Variants in GSE1 observed in about 807,000 individuals in gnomAD.
GSE1 encodes genetic suppressor element 1.
A neutral mutation model predicts 112.6 loss-of-function variants in GSE1; 32 were observed. That is an observed-to-expected ratio of 0.28 (90% confidence interval 0.21 to 0.38). The LOEUF (loss-of-function observed/expected upper bound fraction) is 0.38. Among genes scored for constraint, GSE1 ranks in the 10% least tolerant of loss-of-function variants. The probability of loss-of-function intolerance (pLI) is 1.00; values close to 1 mark genes in which losing one functional copy is unlikely to be tolerated. For synonymous variants in GSE1, 1,115 were observed against 735.6 expected, an observed-to-expected ratio of 1.52 and a Z score of -8.35; for missense variants, 2,348 against 1,699.2, an observed-to-expected ratio of 1.38 and a Z score of -6.71.
At position 85,322,708 on chromosome 16, in the gene GSE1, C is replaced by T. The variant is rs367691952; in HGVS notation, c.2284-34755C>T. Among the ~76,000 whole-genome samples, 8 of 151,932 alleles carry T rather than the reference C, an allele frequency of 5.3e-5. No individual in the cohort carries two copies. In the East Asian group the frequency reaches 5.8e-4, roughly 11 times the overall value. ...TTGGCTCACTGCCACCTCTACCTCC[C>T]GAGTTCAAGCGATTCTCCTGCGTCA... On this transcript the variant is annotated intron_variant, in intron 1 of 2. Coordinates refer to the GSE1 transcript ENST00000637419.
intron 2 of GSE1, among the ~76,000 whole-genome samples, chr16:85,543,251 C>T (rs2044586498): frequency 6.6e-6 from 1 of 151,952 alleles, no homozygotes; most frequent in African/African-American, 2.4e-5. Context: ...CTTGCTTTTC[C>T]CAAATATATC....
chr16:85,634,518 C>T (rs1208384848), intron 2 of GSE1, among the ~76,000 whole-genome samples: 3 of 152,194 alleles, frequency 2.0e-5, no homozygotes, highest in Non-Finnish European at 2.9e-5. Context: ...TGGCTCCTTG[C>T]CCAGGTTTTG....
At chr16:85,216,565 T>C (rs2075309769) in intron 1 of GSE1, among the ~76,000 whole-genome samples, 2 of 152,260 alleles carry the variant, frequency 1.3e-5, no homozygotes, top group Admixed American at 1.3e-4. Context: ...GAACACAAAC[T>C]GACGCCTATG....
intron 1 of GSE1, among the ~76,000 whole-genome samples, chr16:85,183,126 C>T (rs567026384): frequency 6.6e-6 from 1 of 152,156 alleles, no homozygotes; most frequent in South Asian, 2.1e-4. Flanking sequence ...CCCTCACCCC[C>T]TCACCGCCAC....
chr16:85,310,063 A>T (rs2045793561), intron 1 of GSE1, among the ~76,000 whole-genome samples: 1 of 151,908 alleles, frequency 6.6e-6, no homozygotes, highest in African/African-American at 2.4e-5. Flanking sequence ...GCATAAGCCC[A>T]GGCATAAGCC....
chr16:85,282,217 G>A (rs553426341), intron 1 of GSE1, among the ~76,000 whole-genome samples: 2 of 152,118 alleles, frequency 1.3e-5, no homozygotes, highest in African/African-American at 2.4e-5. Flanking sequence ...CAGTAGAGAC[G>A]GGGTTTCACC....
Position 85,331,339 on chromosome 16 carries a change from G to GTATATA in GSE1, c.2284-26123_2284-26122insATATAT, listed in dbSNP as rs1376704059. Among the ~76,000 whole-genome samples, 6 of 102,374 alleles carry GTATATA rather than the reference G, an allele frequency of 5.9e-5. No individual in the cohort carries two copies. The East Asian group carries it at 1.9e-3, about 33-fold the overall frequency. The allele number at this position is 102,374 out of a possible 152,430, so 67.2% of individuals were successfully genotyped here. ...AGCTAATTTCTGTGTGTGTGTGTGT[G>GTATATA]TGTGTGTGTGTGTGTGTGTGTGTGT... On this transcript the variant is annotated intron_variant, in intron 1 of 2. Transcript: ENST00000637419.
chr16:85,404,710 A>G (rs1478135551), intron 2 of GSE1, among the ~76,000 whole-genome samples: 3 of 34,578 alleles, frequency 8.7e-5, no homozygotes, highest in Non-Finnish European at 1.4e-4. Context: ...GATAATCCTC[A>G]CTGTTACACT....
chr16:85,215,457 C>T (rs138492183), intron 1 of GSE1, among the ~76,000 whole-genome samples: 34 of 152,268 alleles, frequency 2.2e-4, no homozygotes, highest in Middle Eastern at 3.4e-3. Context: ...ATACAGTGTA[C>T]GCTACCCAGT....
intron 2 of GSE1, among the ~76,000 whole-genome samples, chr16:85,456,841 C>A (rs961783115): frequency 6.6e-6 from 1 of 152,036 alleles, no homozygotes; most frequent in Non-Finnish European, 1.5e-5. Flanking sequence ...CCAAGCCCCG[C>A]CATTGCCAGG....
chr16:85,423,877 C>T (rs970836864), intron 2 of GSE1, among the ~76,000 whole-genome samples: 2 of 152,232 alleles, frequency 1.3e-5, no homozygotes, highest in African/African-American at 4.8e-5. Flanking sequence ...CGTGGGACAT[C>T]TTCGGGGAAG....
intron 1 of GSE1, among the ~76,000 whole-genome samples, chr16:85,280,558 G>A (rs1597273882): frequency 1.3e-5 from 2 of 152,230 alleles, no homozygotes. Context: ...ACCATACCTG[G>A]CCAATTTTTG....
intron 2 of GSE1, among the ~76,000 whole-genome samples, chr16:85,385,981 C>T (rs997062429): frequency 7.2e-5 from 11 of 152,204 alleles, no homozygotes; most frequent in Admixed American, 2.6e-4. Context: ...AGGGAGCGAA[C>T]CCCCATTCCC....
intron 1 of GSE1, among the ~76,000 whole-genome samples, chr16:85,570,766 C>T (rs1283390359): frequency 6.6e-6 from 1 of 152,220 alleles, no homozygotes; most frequent in African/African-American, 2.4e-5. Context: ...GTGCCAGGCC[C>T]TGGAGGGGCT....
chr16:85,357,977 C>T (rs1306229746), intron 2 of GSE1, among the ~76,000 whole-genome samples: 1 of 152,154 alleles, frequency 6.6e-6, no homozygotes, highest in Non-Finnish European at 1.5e-5. Context: ...TAGTCTTGAG[C>T]CCAGAGGGGG....
At chr16:85,179,751 AGGGGAGCTGT>A (rs1410912566) in intron 1 of GSE1, among the ~76,000 whole-genome samples, 1,269 of 152,206 alleles carry the variant, frequency 8.3e-3, no homozygotes, top group African/African-American at 0.028. Flanking sequence ...CCCTGGGATG[AGGGGAGCTGT>A]ACTAAGAATT....
At chr16:85,294,128 G>T (rs1416324701) in intron 1 of GSE1, among the ~76,000 whole-genome samples, 1 of 152,186 alleles carries the variant, frequency 6.6e-6, no homozygotes, top group Admixed American at 6.5e-5. Context: ...AAGCCAGGTG[G>T]CCTGTTCCAG....
chr16:85,246,434 T>TACACACAC (rs141045364), intron 1 of GSE1, among the ~76,000 whole-genome samples: 3 of 44,456 alleles, frequency 6.7e-5, no homozygotes, highest in African/African-American at 8.7e-5. Context: ...CCATGCTCTC[T>TACACACAC]ACACACACAC....
At chr16:85,388,563 G>A (rs1567729008) in intron 2 of GSE1, among the ~76,000 whole-genome samples, 1 of 150,434 alleles carries the variant, frequency 6.6e-6, no homozygotes, top group Non-Finnish European at 1.5e-5. Context: ...TGGATGAGTG[G>A]GTAGATGGGT....
Sources: gnomAD v4.1 joint callset for allele counts (sites outside exome capture counted in the v4.1 genomes callset) on GRCh38, gnomAD v4.1.1 for gene constraint, MANE v1.5 for transcripts, NCBI Gene and HGNC (gene_info 2026-07-23, HGNC 2026-07-21) for gene names.